Variants in NDUFC1 observed in about 807,000 individuals in gnomAD.
NDUFC1 encodes the protein NADH dehydrogenase [ubiquinone] 1 subunit C1, mitochondrial.
In NDUFC1, 11 loss-of-function variants were observed where a neutral mutation model predicts 11.6. The observed-to-expected ratio is 0.95, with a 90% CI of 0.60 to 1.58. The LOEUF is 1.58. Ranked by LOEUF, NDUFC1 falls within the 40% of genes most tolerant of loss-of-function variation. NDUFC1 has a pLI of 0.00. For synonymous variants in NDUFC1, 52 were observed against 42.2 expected (o/e 1.23, Z -0.90); for missense variants, 112 against 93.0 (o/e 1.20, Z -0.84).
At chr4:139,299,601 G>T (rs1269789340) in intron 1 of NDUFC1, among the ~76,000 whole-genome samples, 1 of 152,130 alleles carries the variant, frequency 6.6e-6, no homozygotes, top group African/African-American at 2.4e-5. Context: ...AAATTGTGGT[G>T]ATCAGAGTAA....
At chr4:139,298,392 C>T (rs974391598) in intron 1 of NDUFC1, among the ~76,000 whole-genome samples, 1 of 147,668 alleles carries the variant, frequency 6.8e-6, no homozygotes, top group South Asian at 2.1e-4. Context: ...GAGCTGAGAT[C>T]GCACCATTGC....
chr4:139,300,162 T>C (rs1307558072), intron 1 of NDUFC1, among the ~76,000 whole-genome samples: 2 of 152,212 alleles, frequency 1.3e-5, no homozygotes, highest in East Asian at 3.8e-4. Flanking sequence ...TGGCCATATT[T>C]CAAACTGAAA....
chr4:139,297,988 T>TA (rs1244770865), intron 1 of NDUFC1, among the ~76,000 whole-genome samples: 2 of 151,900 alleles, frequency 1.3e-5, no homozygotes, highest in African/African-American at 4.8e-5. Flanking sequence ...GAAGATCGCT[T>TA]GGACCTGGGA....
chr4:139,298,305 G>A (rs1189494754), intron 1 of NDUFC1, among the ~76,000 whole-genome samples: 1 of 151,810 alleles, frequency 6.6e-6, no homozygotes, highest in African/African-American at 2.4e-5. Context: ...CGGGCATGGT[G>A]GTGCATGCCT....
In NDUFC1 at chr4:139,295,799, C is replaced by T; in HGVS notation, c.-1G>A. On this transcript the variant is annotated 5_prime_UTR_variant, in exon 3 of 6. Transcript: ENST00000394223. Reference sequence around the variant, plus strand: ...GACGCAGCAAGGCGGACGGCGCCATCTTGCGTGGCCCAGCTCAGTCTCTCC... The same window carrying T: ...GACGCAGCAAGGCGGACGGCGCCATTTTGCGTGGCCCAGCTCAGTCTCTCC... 1.3e-6 allele frequency: 2 copies of T among 1,545,212 alleles called. No individual in the cohort carries two copies. Among genetic ancestry groups the T allele is most frequent in the Non-Finnish European group, 1.7e-6 (2 of 1,146,038 alleles).
At chr4:139,301,076 T>G (rs1745698755) in intron 1 of NDUFC1, 1 of 153,762 alleles carries the variant, frequency 6.5e-6, no homozygotes, top group African/African-American at 2.4e-5. Context: ...GTGAAGCTTT[T>G]TTCATTTTCC....
At chr4:139,301,593 G>A (rs916565827) in intron 1 of NDUFC1, 5 of 650,946 alleles carry the variant, frequency 7.7e-6, no homozygotes, top group Admixed American at 6.0e-5. Flanking sequence ...AAGTGAGAAA[G>A]GAAAAAAGAC....
intron 4 of NDUFC1, 42 bp downstream of exon 4, chr4:139,295,001 A>G (rs369801564): frequency 2.3e-5 from 33 of 1,458,858 alleles, no homozygotes; most frequent in African/African-American, 1.1e-4. Context: ...TTCCCTTACC[A>G]CGCTGGTGTA....
intron 3 of NDUFC1, 103 bp from the exon 4 acceptor site, chr4:139,295,249 C>A (rs1049640283): frequency 3.0e-5 from 25 of 839,646 alleles, no homozygotes; most frequent in Non-Finnish European, 4.5e-5. Flanking sequence ...CCCTTCAACT[C>A]CCCCATCTCC....
In NDUFC1 at chr4:139,298,442, A is replaced by AG. The variant is rs1170603052; in HGVS notation, c.-221-1000_-221-999insC. On this transcript the variant is annotated intron_variant, in intron 1 of 5. Coordinates refer to ENST00000394223, the MANE Select transcript of NDUFC1 (RefSeq NM_001184989.2). ...GACAAGAGCGAAACTCTGTCTCAAA[A>AG]AAAAAAAAAAAAAAAAAGATTCAGC... 1.2e-4 allele frequency among the ~76,000 whole-genome samples: 10 copies of AG among 81,864 alleles called. No homozygotes were observed. The East Asian group carries it at 2.8e-3, about 23-fold the overall frequency. 53.7% of individuals were successfully genotyped at this position (81,864 alleles called of 152,430 possible). A position where few individuals can be genotyped will look rare whatever the true frequency, so the allele number is the denominator to read the frequency against.
At chr4:139,299,324 G>C (rs914984003) in intron 1 of NDUFC1, among the ~76,000 whole-genome samples, 10 of 151,292 alleles carry the variant, frequency 6.6e-5, no homozygotes, top group Admixed American at 4.6e-4. Flanking sequence ...AGTCTCAATA[G>C]AGAACATCTT....
intron 1 of NDUFC1, among the ~76,000 whole-genome samples, chr4:139,299,215 G>A (rs770746180): frequency 5.3e-5 from 8 of 151,272 alleles, no homozygotes; most frequent in African/African-American, 4.9e-5. Context: ...TGATCCGCCC[G>A]CCTCAGCCTC....
intron 1 of NDUFC1, among the ~76,000 whole-genome samples, chr4:139,299,037 T>C (rs928209344): frequency 2.0e-5 from 3 of 151,998 alleles, no homozygotes; most frequent in African/African-American, 7.2e-5. Flanking sequence ...TGGTGCGATC[T>C]TGGCTCACTG....
chr4:139,292,643 TA>T, intron 4 of NDUFC1, 34 bp from the exon 5 acceptor site: 1 of 1,310,674 alleles, frequency 7.6e-7, no homozygotes, highest in Non-Finnish European at 1.1e-6. Flanking sequence ...ATTAGAAATG[TA>T]ATCTTCCTGG....
At chr4:139,300,755 C>G (rs1351656097) in intron 1 of NDUFC1, 1 of 152,162 alleles carries the variant, frequency 6.6e-6, no homozygotes, top group Non-Finnish European at 1.5e-5. Context: ...TTGAAGCCAG[C>G]TCCAGGGTAG....
intron 1 of NDUFC1, among the ~76,000 whole-genome samples, chr4:139,299,655 T>C (rs1745622219): frequency 6.6e-6 from 1 of 152,220 alleles, no homozygotes; most frequent in Non-Finnish European, 1.5e-5. Context: ...GTGGTCAGAC[T>C]GTTATCTGTA....
chr4:139,290,238 A>G (rs988274736), intron 5 of NDUFC1, 146 bp from the exon 6 acceptor site: 2 of 152,158 alleles, frequency 1.3e-5, no homozygotes, highest in Non-Finnish European at 2.9e-5. Flanking sequence ...TAATTTTAAC[A>G]AAAAATATTT....
chr4:139,301,885 C>T (rs1442529492), intron 1 of NDUFC1: 4 of 1,539,950 alleles, frequency 2.6e-6, no homozygotes, highest in Admixed American at 1.9e-5. Context: ...GTAACCGGGC[C>T]TGTCACCCCT....
At chr4:139,299,353 C>T (rs1433923986) in intron 1 of NDUFC1, among the ~76,000 whole-genome samples, 1 of 151,720 alleles carries the variant, frequency 6.6e-6, no homozygotes, top group Non-Finnish European at 1.5e-5. Flanking sequence ...GGAGAAATTT[C>T]ACTCAACATA....
Sources: gnomAD v4.1 joint callset for allele counts (sites outside exome capture counted in the v4.1 genomes callset) on GRCh38, gnomAD v4.1.1 for gene constraint, MANE v1.5 for transcripts, NCBI Gene and HGNC (gene_info 2026-07-23, HGNC 2026-07-21) for gene names.